Variants in ALDH3A1 observed in about 807,000 individuals in gnomAD.
ALDH3A1 encodes aldehyde dehydrogenase, dimeric NADP-preferring.
In ALDH3A1, 46 loss-of-function variants were observed where a neutral mutation model predicts 49.9. The observed-to-expected ratio is 0.92, with a 90% CI of 0.73 to 1.18. The LOEUF (loss-of-function observed/expected upper bound fraction) is 1.18, where lower values mean the gene tolerates loss of function less well. ALDH3A1 is among the 50% of genes most tolerant of loss of function. The pLI, the probability that ALDH3A1 is intolerant of heterozygous loss-of-function variation, is 0.00. For synonymous variants in ALDH3A1, 269 were observed against 253.3 expected (o/e 1.06, Z -0.59); for missense variants, 592 against 611.8 (o/e 0.97, Z 0.34).
At chr17:19,741,245 G>A (rs762632301) in intron 5 of ALDH3A1, 35 bp from the exon 6 acceptor site, 2 of 1,590,482 alleles carry the variant, frequency 1.3e-6, no homozygotes, top group African/African-American at 1.3e-5. Context: ...AATCCAAAAG[G>A]TTCCCCAGGA....
intron 9 of ALDH3A1, 200 bp from the exon 10 acceptor site, chr17:19,738,653 G>A (rs373931164): frequency 1.3e-6 from 1 of 766,716 alleles, no homozygotes; most frequent in Non-Finnish European, 2.0e-6. Context: ...GCCTCCTGAG[G>A]GTGGCCAATG....
At chr17:19,742,935 G>A in intron 3 of ALDH3A1, 1 of 1,525,028 alleles carries the variant, frequency 6.6e-7, no homozygotes, top group Non-Finnish European at 8.8e-7. Flanking sequence ...GAACAGCGCT[G>A]GCCCATTCTA....
chr17:19,743,668 A>G lies in ALDH3A1; in HGVS notation c.163-205T>C. ...GTCTGAGAGGACCCCTTTCTGCCAG[A>G]GGGGGGCCCAGGTAGGTTTGCGGCC... On this transcript the variant is annotated intron_variant, in intron 2 of 10. Transcript: ENST00000225740. This position sits in a 1 kb window ranked among gnomAD's most constrained non-coding sequence, Gnocchi z 4.4. 1.0e-6 allele frequency: 1 copy of G among 985,042 alleles called. No homozygotes were observed. Among genetic ancestry groups the G allele is most frequent in the Admixed American group, 6.1e-5 (1 of 16,274 alleles). The allele number at this position is 985,042 out of a possible 1,614,324, so 61.0% of individuals were successfully genotyped here.
At position 19,739,715 on chromosome 17, in the gene ALDH3A1, C is replaced by A. The variant is rs531477514; in HGVS notation, c.950-41G>T. The stretch of plus-strand genomic sequence containing the variant: ...AGCCAGAGTTGGACGGCGCAGAGAC[C>A]CCCACGCGGATGGAAAGTGCAAGCA... On this transcript the variant is annotated intron_variant, in intron 7 of 10. Transcript: ENST00000225740. The A allele has an allele frequency of 9.4e-5, 150 of 1,603,596 alleles. No individual in the cohort carries two copies. In the East Asian group the frequency reaches 2.6e-3, roughly 27 times the overall value.
intron 6 of ALDH3A1, 96 bp from the exon 7 acceptor site, chr17:19,740,573 G>A (rs929535862): frequency 7.0e-7 from 1 of 1,422,468 alleles, no homozygotes; most frequent in African/African-American, 1.4e-5. Context: ...GTCTTTGGGT[G>A]GTGGGATTCT....
chr17:19,744,636 G>C (rs926337883), intron 2 of ALDH3A1: 1 of 985,292 alleles, frequency 1.0e-6, no homozygotes, highest in African/African-American at 1.7e-5. Context: ...TCTGGTTCCT[G>C]GTGTGGAGAA....
At chr17:19,738,598 CCTATGGCCCT>C in intron 9 of ALDH3A1, 145 bp from the exon 10 acceptor site, 1 of 1,256,898 alleles carries the variant, frequency 8.0e-7, no homozygotes, top group Non-Finnish European at 1.1e-6. Context: ...TCCCTCAAAT[CCTATGGCCCT>C]CAGCACCCAG....
chr17:19,740,492 TG>T lies in ALDH3A1; in HGVS notation c.808-16del. The stretch of plus-strand genomic sequence containing the variant: ...CCGTAGAACTCCTGTGGAGAAGAGG[TG>T]GGGGCTTCGGGTAAGGACGCAGAGC... On this transcript the variant is annotated splice_polypyrimidine_tract_variant and intron_variant, in intron 6 of 10. Coordinates refer to ENST00000225740, the MANE Select transcript of ALDH3A1 (RefSeq NM_000691.5). 6.2e-7 allele frequency: 1 copy of T among 1,613,298 alleles called. No homozygotes were observed. The highest frequency in any genetic ancestry group is 8.5e-7 in the Non-Finnish European group (1 of 1,179,826).
chr17:19,739,167 C>G, intron 8 of ALDH3A1, 72 bp from the exon 9 acceptor site: 2 of 1,368,288 alleles, frequency 1.5e-6, no homozygotes, highest in East Asian at 2.5e-5. Context: ...CCGACCCTGC[C>G]TGGGTATAGC....
At position 19,739,072 on chromosome 17, in the gene ALDH3A1, C is replaced by G. The variant is rs2086441523; in HGVS notation, c.1140G>C (p.Glu380Asp). 3 of 1,613,926 alleles carry G rather than the reference C, an allele frequency of 1.9e-6. No individual in the cohort carries two copies. In the East Asian group the frequency reaches 6.7e-5, roughly 36 times the overall value. Residue 380 changes from glutamate to aspartate, a missense_variant, in exon 9 of 11, where the codon GAG becomes GAC. Physicochemically the swap from Glu to Asp is conservative, Grantham distance 45 (BLOSUM62 2). Transcript: ENST00000225740. The stretch of plus-strand genomic sequence containing the variant: ...TGGCCGCCACCCCACCACTGGATGT[C>G]TCTGCAATCATCTTCTTAATCACCT... ...NDKVIKKMIAETSSGGVAAND... is the reference protein window; with the variant it reads ...NDKVIKKMIADTSSGGVAAND...
chr17:19,742,435 C>T lies in ALDH3A1; in HGVS notation c.480+110G>A, dbSNP rs891182253. 9.3e-6 allele frequency: 12 copies of T among 1,293,840 alleles called. No homozygotes were observed. In the African/African-American group the frequency reaches 1.8e-4, roughly 19 times the overall value. The allele number at this position is 1,293,840 out of a possible 1,614,324, so 80.1% of individuals were successfully genotyped here. A position where few individuals can be genotyped will look rare whatever the true frequency, so the allele number is the denominator to read the frequency against. ...TGCTAAGAACAATCCTCAGCCCCAC[C>T]AGTAGCTTGGCCCCTTGCTGCAAGA... On this transcript the variant is annotated intron_variant, in intron 4 of 10. Transcript: ENST00000225740.
In ALDH3A1 at chr17:19,745,040, C is replaced by T. The variant is rs1205763566; in HGVS notation, c.90G>A (p.Leu30=). ...TRPLQFRIQQ[L]EALQRLIQEQ... is the part of the protein sequence containing the mutation. Reference sequence around the variant, plus strand: ...CCTGGATCAGGCGCTGCAGCGCCTCCAGCTGCTGGATCCGGAACTGCAGCG... The same window carrying T: ...CCTGGATCAGGCGCTGCAGCGCCTCTAGCTGCTGGATCCGGAACTGCAGCG... The change falls in exon 2 of 11, where the codon CTG becomes CTA. Residue 30 remains leucine (L), a synonymous_variant. Transcript: ENST00000225740. The T allele has an allele frequency of 1.9e-6, 3 of 1,597,016 alleles. No homozygotes were observed. Among genetic ancestry groups the T allele is most frequent in the Non-Finnish European group, 2.5e-6 (3 of 1,178,874 alleles).
chr17:19,740,508 G>C, intron 6 of ALDH3A1, 31 bp from the exon 7 acceptor site: 1 of 1,611,492 alleles, frequency 6.2e-7, no homozygotes, highest in Non-Finnish European at 8.5e-7. Context: ...CTTCGGGTAA[G>C]GACGCAGAGC....
In ALDH3A1 at chr17:19,743,978, G is replaced by A; in HGVS notation, c.163-515C>T. On this transcript the variant is annotated intron_variant, in intron 2 of 10. Transcript: ENST00000225740. The surrounding 1 kb of genome is among the most constrained non-coding windows in gnomAD (Gnocchi z 4.4). ...AGGGGTGAGAAGAGGAGATGCAGAC[G>A]GCGGAAAACGCGTCTCTTTTATAAA... The A allele has an allele frequency of 5.1e-6, 5 of 985,330 alleles. No homozygotes were observed. The highest frequency in any genetic ancestry group is 6.0e-6 in the Non-Finnish European group (5 of 829,882). The allele number at this position is 985,330 out of a possible 1,614,324, so 61.0% of individuals were successfully genotyped here. A position where few individuals can be genotyped will look rare whatever the true frequency, so the allele number is the denominator to read the frequency against.
chr17:19,738,966 G>A (rs921898025), intron 9 of ALDH3A1, 30 bp downstream of exon 9: 2 of 1,597,134 alleles, frequency 1.3e-6, no homozygotes, highest in South Asian at 1.1e-5. Flanking sequence ...GGGGCCCAGA[G>A]GGAGGCAGCA....
chr17:19,738,654 G>A, intron 9 of ALDH3A1: 3 of 763,832 alleles, frequency 3.9e-6, no homozygotes, highest in South Asian at 1.9e-5. Context: ...CCTCCTGAGG[G>A]TGGCCAATGT....
chr17:19,742,665 G>C (rs1163465937), intron 3 of ALDH3A1, 35 bp from the exon 4 acceptor site: 2 of 1,613,378 alleles, frequency 1.2e-6, no homozygotes, highest in Non-Finnish European at 1.7e-6. Flanking sequence ...TATGCCCAGG[G>C]TACTTCACCA....
intron 2 of ALDH3A1, chr17:19,744,506 A>G (rs1461308052): frequency 1.0e-6 from 1 of 985,310 alleles, no homozygotes; most frequent in Non-Finnish European, 1.2e-6. Flanking sequence ...GCATGTGGGG[A>G]CAGCAGGGGG....
In ALDH3A1 at chr17:19,745,569, A is replaced by AAACCCAGCACCACCCTCCTGGCT. The variant is rs2086585227; in HGVS notation, c.-5-458_-5-436dup. 2 of 157,774 alleles carry AAACCCAGCACCACCCTCCTGGCT rather than the reference A, an allele frequency of 1.3e-5. 1 individual carries two copies. The highest frequency in any genetic ancestry group is 4.1e-4 in the South Asian group (2 of 4,912). 9.8% of individuals were successfully genotyped at this position (157,774 alleles called of 1,614,324 possible). ...ATTCCACACCCAAGCCGATAAAGAA[A>AAACCCAGCACCACCCTCCTGGCT]AACCCAGCACCACCCTCCTGGCTAA... On this transcript the variant is annotated intron_variant, in intron 1 of 10. Transcript: ENST00000225740.
Sources: allele counts gnomAD v4.1 joint callset, GRCh38; gene constraint gnomAD v4.1.1; non-coding constraint Gnocchi (gnomAD v3.1); transcripts MANE v1.5; gene names NCBI Gene and HGNC (gene_info 2026-07-23, HGNC 2026-07-21).